The following GUCY2C variants were observed in gnomAD, a reference collection of about 807,000 sequenced individuals.
GUCY2C encodes the protein guanylate cyclase 2C, also known as guanylyl cyclase C.
A neutral mutation model predicts 131.1 loss-of-function variants in GUCY2C; 118 were observed. The observed-to-expected ratio is 0.90, with a 90% CI of 0.78 to 1.05. The LOEUF is 1.05. GUCY2C is among the 50% of genes least tolerant of loss of function. The pLI is 0.00. For synonymous variants in GUCY2C, 452 were observed against 457.8 expected, an observed-to-expected ratio of 0.99 and a Z score of 0.16; for missense variants, 1,161 against 1,304.4, an observed-to-expected ratio of 0.89 and a Z score of 1.69.
intron 17 of GUCY2C, among the ~76,000 whole-genome samples, chr12:14,642,513 C>CATCA (rs1239839762): frequency 6.6e-6 from 1 of 152,156 alleles, no homozygotes; most frequent in Non-Finnish European, 1.5e-5. Context: ...TCCAAATGTA[C>CATCA]ATCACCTTTT....
At chr12:14,631,508 A>C (rs1421324102) in intron 19 of GUCY2C, among the ~76,000 whole-genome samples, 1 of 151,788 alleles carries the variant, frequency 6.6e-6, no homozygotes, top group Non-Finnish European at 1.5e-5. Flanking sequence ...GCAATAGTTT[A>C]CTGAGAATGA....
At chr12:14,648,650 C>T (rs965647602) in intron 15 of GUCY2C, among the ~76,000 whole-genome samples, 3 of 152,296 alleles carry the variant, frequency 2.0e-5, no homozygotes, top group African/African-American at 7.2e-5. Flanking sequence ...ACATAATTTA[C>T]GATGGCATAT....
chr12:14,693,152 G>C (rs919453074), intron 1 of GUCY2C, among the ~76,000 whole-genome samples: 2 of 152,122 alleles, frequency 1.3e-5, no homozygotes, highest in African/African-American at 4.8e-5. Context: ...ACCCCACAAT[G>C]ATATCTCATT....
chr12:14,688,321 A>T (rs538899599), intron 1 of GUCY2C, among the ~76,000 whole-genome samples: 1 of 152,070 alleles, frequency 6.6e-6, no homozygotes. Flanking sequence ...AAAATCATCC[A>T]TGTTGAGTTT....
chr12:14,657,305 C>G (rs2073931770), intron 11 of GUCY2C, among the ~76,000 whole-genome samples: 1 of 152,100 alleles, frequency 6.6e-6, no homozygotes, highest in South Asian at 2.1e-4. Flanking sequence ...ATTTTTAATC[C>G]AGAGAGAATA....
chr12:14,632,345 G>GT (rs1947163386), intron 19 of GUCY2C, among the ~76,000 whole-genome samples: 1 of 152,108 alleles, frequency 6.6e-6, no homozygotes, highest in African/African-American at 2.4e-5. Context: ...TTCTTCTAGG[G>GT]TTTTTATGGT....
chr12:14,659,996 T>A (rs1330071967), intron 11 of GUCY2C, among the ~76,000 whole-genome samples: 1 of 152,258 alleles, frequency 6.6e-6, no homozygotes, highest in Non-Finnish European at 1.5e-5. Flanking sequence ...CACTCTTCAC[T>A]AAATGGTCAC....
intron 19 of GUCY2C, among the ~76,000 whole-genome samples, chr12:14,634,160 G>A (rs752406129): frequency 3.9e-5 from 6 of 152,112 alleles, no homozygotes; most frequent in Admixed American, 1.3e-4. Flanking sequence ...TACTTATAAG[G>A]AAACCCCCAT....
At chr12:14,690,892 T>C (rs1393436899) in intron 1 of GUCY2C, among the ~76,000 whole-genome samples, 2 of 152,196 alleles carry the variant, frequency 1.3e-5, no homozygotes, top group Non-Finnish European at 2.9e-5. Flanking sequence ...GAAACCTCAG[T>C]CCACAGTCCG....
intron 18 of GUCY2C, 134 bp from the exon 19 acceptor site, chr12:14,640,084 C>T (rs1947361885): frequency 3.1e-6 from 2 of 650,976 alleles, no homozygotes; most frequent in Admixed American, 2.4e-5. Context: ...AGAGCCTAGA[C>T]CAGCACTCAG....
chr12:14,688,883 G>A (rs549058991), intron 1 of GUCY2C, among the ~76,000 whole-genome samples: 6 of 152,328 alleles, frequency 3.9e-5, no homozygotes, highest in East Asian at 3.9e-4. Context: ...GGAGGCCAGC[G>A]TAGTCCTGAC....
At position 14,663,106 on chromosome 12, in the gene GUCY2C, T is replaced by A. The variant is rs536911595; in HGVS notation, c.1283-2044A>T. Among the ~76,000 whole-genome samples the A allele has an allele frequency of 3.9e-5, 6 of 152,296 alleles. No individual in the cohort carries two copies. The South Asian group carries it at 1.0e-3, about 26-fold the overall frequency. On this transcript the variant is annotated intron_variant, in intron 10 of 26. Transcript: ENST00000261170. ...ATCTTCATGTATCAATACAAAAAATTAATAGATAACTGCTAAAGCTTATAA... is the reference window on the plus strand; with the variant it reads ...ATCTTCATGTATCAATACAAAAAATAAATAGATAACTGCTAAAGCTTATAA...
chr12:14,695,493 C>T (rs984479226), intron 1 of GUCY2C, among the ~76,000 whole-genome samples: 10 of 147,158 alleles, frequency 6.8e-5, no homozygotes, highest in Non-Finnish European at 1.2e-4. Context: ...CCCAGCTACT[C>T]GGGGGGCTGA....
At chr12:14,685,084 G>C (rs1013502583) in intron 3 of GUCY2C, among the ~76,000 whole-genome samples, 1 of 152,158 alleles carries the variant, frequency 6.6e-6, no homozygotes, top group South Asian at 2.1e-4. Flanking sequence ...CAGGGGCTGT[G>C]TTTTACTTAA....
chr12:14,639,166 C>T (rs1947342933), intron 19 of GUCY2C, among the ~76,000 whole-genome samples: 1 of 151,908 alleles, frequency 6.6e-6, no homozygotes, highest in Non-Finnish European at 1.5e-5. Context: ...GGTGTGGTGG[C>T]AGGCGCCTGT....
At chr12:14,637,372 C>T (rs745993599) in intron 19 of GUCY2C, among the ~76,000 whole-genome samples, 2 of 152,034 alleles carry the variant, frequency 1.3e-5, no homozygotes, top group African/African-American at 2.4e-5. Context: ...CCAAAGCAAT[C>T]TATAGATTCA....
intron 19 of GUCY2C, among the ~76,000 whole-genome samples, chr12:14,633,101 C>T (rs1329104411): frequency 2.6e-5 from 4 of 152,176 alleles, no homozygotes; most frequent in African/African-American, 7.2e-5. Context: ...GAGGAAGTTA[C>T]TTGGAGGCCA....
rs1401037429 is a variant in GUCY2C, at chr12:14,613,110, T to C, written c.*7A>G. The C allele has an allele frequency of 1.9e-6, 3 of 1,609,932 alleles. No individual in the cohort carries two copies. The highest frequency in any genetic ancestry group is 2.6e-6 in the Non-Finnish European group (3 of 1,176,454). On this transcript the variant is annotated 3_prime_UTR_variant, in exon 27 of 27. Transcript: ENST00000261170. The surrounding 1 kb of genome is among the most constrained non-coding windows in gnomAD (Gnocchi z 4.9). ...AATTTGTGTGAGTCCTTATACCTCA[T>C]TTAGGTTTAAAAATAGGTGCTCTCC...
At chr12:14,678,203 T>G (rs1016185843) in intron 6 of GUCY2C, among the ~76,000 whole-genome samples, 3 of 152,190 alleles carry the variant, frequency 2.0e-5, no homozygotes, top group Admixed American at 2.0e-4. Flanking sequence ...GAAGTACCCT[T>G]ATGAAGAGGA....
Sources: gnomAD v4.1 joint callset for allele counts (sites outside exome capture counted in the v4.1 genomes callset) on GRCh38, gnomAD v4.1.1 for gene constraint, Gnocchi (gnomAD v3.1) non-coding constraint, MANE v1.5 for transcripts, NCBI Gene and HGNC (gene_info 2026-07-23, HGNC 2026-07-21) for gene names.